The following FAM3C variants were observed in gnomAD, a reference collection of about 807,000 sequenced individuals.
FAM3C encodes the protein protein FAM3C.
Under a neutral mutation model 32.5 loss-of-function variants are expected in FAM3C, and 15 were observed. The observed-to-expected ratio is 0.46, with a 90% CI of 0.31 to 0.71. The LOEUF is 0.71. Ranked by LOEUF, FAM3C falls within the 30% of genes least tolerant of loss-of-function variation. The pLI, the probability that FAM3C is intolerant of heterozygous loss-of-function variation, is 0.05. For synonymous variants in FAM3C, 75 were observed against 86.1 expected, an observed-to-expected ratio of 0.87 and a Z score of 0.72; for missense variants, 175 against 274.4, an observed-to-expected ratio of 0.64 and a Z score of 2.56.
At position 121,350,382 on chromosome 7, in the gene FAM3C, A is replaced by G; in HGVS notation, c.*79T>C. On this transcript the variant is annotated 3_prime_UTR_variant, in exon 10 of 10. Coordinates refer to ENST00000359943, the MANE Select transcript of FAM3C (RefSeq NM_014888.3). ...CAAGATGGCTGCATGCTCTTAAAAT[A>G]TTTACACATAGCTCTGCCATTTATA... 6 of 1,600,656 alleles carry G rather than the reference A, an allele frequency of 3.7e-6. No homozygotes were observed. The highest frequency in any genetic ancestry group is 2.3e-4 in the Middle Eastern group (1 of 4,382).
chr7:121,371,755 G>T (rs1034902155), intron 4 of FAM3C, among the ~76,000 whole-genome samples: 1 of 152,008 alleles, frequency 6.6e-6, no homozygotes, highest in South Asian at 2.1e-4. Context: ...TAGGATGTGG[G>T]GGGTTCTGAA....
chr7:121,391,825 C>T (rs4727924), intron 1 of FAM3C, among the ~76,000 whole-genome samples: 78,483 of 152,074 alleles, frequency 0.52, 21,717 homozygotes, highest in African/African-American at 0.72. Flanking sequence ...GAAGAATCCC[C>T]GAGCAGACAA....
chr7:121,359,658 A>G (rs1793881887), intron 8 of FAM3C, among the ~76,000 whole-genome samples: 1 of 152,042 alleles, frequency 6.6e-6, no homozygotes, highest in African/African-American at 2.4e-5. Context: ...TGTATCTTTG[A>G]CAATTAACTC....
intron 7 of FAM3C, 123 bp from the exon 8 acceptor site, chr7:121,360,250 T>A (rs1384278336): frequency 3.3e-6 from 2 of 600,878 alleles, no homozygotes; most frequent in African/African-American, 3.7e-5. Context: ...TGTAAAGTAA[T>A]CCAAAAGACA....
chr7:121,385,043 C>T (rs1268734271), intron 1 of FAM3C, among the ~76,000 whole-genome samples: 1 of 151,798 alleles, frequency 6.6e-6, no homozygotes, highest in East Asian at 1.9e-4. Context: ...AGGCTGAAAA[C>T]CATCAATAAT....
chr7:121,387,897 G>T (rs1307078693), intron 1 of FAM3C, among the ~76,000 whole-genome samples: 1 of 151,976 alleles, frequency 6.6e-6, no homozygotes, highest in African/African-American at 2.4e-5. Context: ...TTAATAACAA[G>T]TTATTACTAT....
chr7:121,370,509 C>T (rs1259302997), intron 5 of FAM3C, among the ~76,000 whole-genome samples: 3 of 151,964 alleles, frequency 2.0e-5, no homozygotes, highest in Non-Finnish European at 4.4e-5. Context: ...TAAATAAGCC[C>T]CCATGTCTAG....
At chr7:121,368,496 G>C (rs1794069662) in intron 5 of FAM3C, among the ~76,000 whole-genome samples, 1 of 152,198 alleles carries the variant, frequency 6.6e-6, no homozygotes, top group Non-Finnish European at 1.5e-5. Flanking sequence ...CAGGGAGGCA[G>C]TATGAAAGTG....
chr7:121,391,748 C>G (rs1330132204), intron 1 of FAM3C, among the ~76,000 whole-genome samples: 1 of 152,152 alleles, frequency 6.6e-6, no homozygotes, highest in Non-Finnish European at 1.5e-5. Flanking sequence ...ATTGGCACAC[C>G]ATTTGTACCA....
At chr7:121,388,543 A>C (rs1794512649) in intron 1 of FAM3C, among the ~76,000 whole-genome samples, 1 of 152,104 alleles carries the variant, frequency 6.6e-6, no homozygotes, top group Admixed American at 6.6e-5. Flanking sequence ...AGTGTCCCCC[A>C]AAAAGCAACA....
intron 3 of FAM3C, among the ~76,000 whole-genome samples, chr7:121,374,066 C>T (rs1729023882): frequency 6.6e-6 from 1 of 151,790 alleles, no homozygotes; most frequent in African/African-American, 2.4e-5. Context: ...ATAATTTGGA[C>T]TGTGTTCAGT....
At chr7:121,370,592 G>A (rs1794126365) in intron 5 of FAM3C, among the ~76,000 whole-genome samples, 1 of 152,080 alleles carries the variant, frequency 6.6e-6, no homozygotes, top group Admixed American at 6.5e-5. Context: ...AGGAACTTGC[G>A]AGCAACAGTT....
chr7:121,360,267 T>C, intron 7 of FAM3C, 140 bp from the exon 8 acceptor site: 1 of 574,604 alleles, frequency 1.7e-6, no homozygotes, highest in South Asian at 2.4e-5. Flanking sequence ...GACAGACAAA[T>C]CTCATAAAGA....
chr7:121,362,705 T>C (rs75852268), intron 7 of FAM3C, 192 bp downstream of exon 7: 2 of 529,874 alleles, frequency 3.8e-6, no homozygotes, highest in Admixed American at 4.2e-5. Context: ...AAAATTTTTT[T>C]CTAAGAAGAA....
intron 1 of FAM3C, among the ~76,000 whole-genome samples, chr7:121,388,511 A>G (rs945003527): frequency 6.6e-6 from 1 of 152,136 alleles, no homozygotes; most frequent in Non-Finnish European, 1.5e-5. Context: ...TTATGATGTA[A>G]ATGTATCCAC....
intron 8 of FAM3C, 105 bp from the exon 9 acceptor site, chr7:121,351,374 A>C: frequency 9.5e-7 from 1 of 1,049,054 alleles, no homozygotes; most frequent in Non-Finnish European, 1.3e-6. Flanking sequence ...TGAGACTTTA[A>C]ATAACAGAAC....
rs1794217733 is a variant in FAM3C at position 121,375,221 on chromosome 7, C to T, written c.119-3082G>A. 4.6e-5 allele frequency among the ~76,000 whole-genome samples: 7 copies of T among 152,306 alleles called. No individual in the cohort carries two copies. The South Asian group carries it at 1.5e-3, about 32-fold the overall frequency. ...CAATACATTCTTAAAGAGGGAGGTTCAAACACAATTTCTTCCAAAGAAGGG... is the reference window on the plus strand; with the variant it reads ...CAATACATTCTTAAAGAGGGAGGTTTAAACACAATTTCTTCCAAAGAAGGG... On this transcript the variant is annotated intron_variant, in intron 3 of 9. Transcript: ENST00000359943.
intron 1 of FAM3C, among the ~76,000 whole-genome samples, chr7:121,394,330 T>C (rs2116982476): frequency 6.6e-6 from 1 of 152,366 alleles, no homozygotes. Flanking sequence ...TTTTAATGTA[T>C]CTTCATAAAT....
At chr7:121,392,707 TAG>T (rs926472290) in intron 1 of FAM3C, among the ~76,000 whole-genome samples, 3 of 152,234 alleles carry the variant, frequency 2.0e-5, no homozygotes, top group African/African-American at 7.2e-5. Context: ...GCAAGCCTTG[TAG>T]AGATTATGAC....
Sources: gnomAD v4.1 joint callset for allele counts (sites outside exome capture counted in the v4.1 genomes callset) on GRCh38, gnomAD v4.1.1 for gene constraint, MANE v1.5 for transcripts, NCBI Gene and HGNC (gene_info 2026-07-23, HGNC 2026-07-21) for gene names.